Variants in ANAPC16 observed in about 807,000 individuals in gnomAD.
ANAPC16 encodes the protein anaphase-promoting complex subunit 16.
ANAPC16 carries 6 observed loss-of-function variants against 13.1 expected under a neutral mutation model. The observed-to-expected ratio is 0.46, with a 90% CI of 0.25 to 0.90. The LOEUF is 0.90. Among genes scored for constraint, ANAPC16 ranks in the 40% least tolerant of loss-of-function variants. The probability of loss-of-function intolerance (pLI) is 0.18; values close to 1 mark genes in which losing one functional copy is unlikely to be tolerated. For missense variants in ANAPC16, 113 were observed against 131.1 expected, an observed-to-expected ratio of 0.86 and a Z score of 0.67; for synonymous variants, 55 against 51.3, an observed-to-expected ratio of 1.07 and a Z score of -0.31.
intron 3 of ANAPC16, among the ~76,000 whole-genome samples, chr10:72,232,654 A>G (rs1247862706): frequency 1.4e-5 from 2 of 145,370 alleles, no homozygotes; most frequent in African/African-American, 5.1e-5. Flanking sequence ...ACCAGGCTGG[A>G]ATGCAGTGGC....
At position 72,222,486 on chromosome 10, in the gene ANAPC16, A is replaced by G. The variant is rs993583509; in HGVS notation, c.-27-1402A>G. Among the ~76,000 whole-genome samples, 4 of 147,904 alleles carry G rather than the reference A, an allele frequency of 2.7e-5. No individual in the cohort carries two copies. In the Admixed American group the frequency reaches 2.7e-4, roughly 10 times the overall value. ...TGTCTCTATTTAAAAAAAAAAAAAAAAGGAAAGAGGCCAGGCGCAGTGGCT... is the reference window on the plus strand; with the variant it reads ...TGTCTCTATTTAAAAAAAAAAAAAAGAGGAAAGAGGCCAGGCGCAGTGGCT... On this transcript the variant is annotated intron_variant, in intron 1 of 3. Coordinates refer to ENST00000299381, the MANE Select transcript of ANAPC16 (RefSeq NM_173473.4).
intron 1 of ANAPC16, among the ~76,000 whole-genome samples, chr10:72,222,917 G>A (rs936972361): frequency 3.9e-5 from 6 of 152,052 alleles, no homozygotes; most frequent in South Asian, 2.1e-4. Context: ...CAGTTTTCTC[G>A]TTAACATTTG....
At chr10:72,232,639 CTG>C (rs1331572133) in intron 3 of ANAPC16, among the ~76,000 whole-genome samples, 2 of 142,434 alleles carry the variant, frequency 1.4e-5, no homozygotes, top group Non-Finnish European at 3.0e-5. Flanking sequence ...GATTCTCACT[CTG>C]TCACCAGGCT....
intron 1 of ANAPC16, chr10:72,220,023 A>C (rs1467721052): frequency 6.6e-6 from 1 of 152,050 alleles, no homozygotes; most frequent in Non-Finnish European, 1.5e-5. Flanking sequence ...TCATTTCCTC[A>C]CTTTTTTCTG....
At chr10:72,222,450 T>TTTTGTCTTATTTATTTTTTTAAATAG (rs770712301) in intron 1 of ANAPC16, among the ~76,000 whole-genome samples, 1 of 136,952 alleles carries the variant, frequency 7.3e-6, no homozygotes, top group African/African-American at 2.7e-5. Context: ...CTGAGCAACA[T>TTTTGTCTTATTTATTTTTTTAAATAG]AGCAAGACCT....
Position 72,216,015 on chromosome 10 carries a change from C to CCGCCTTCGGTG in ANAPC16, c.-143_-142insGTGCGCCTTCG, listed in dbSNP as rs1859187823. On this transcript the variant is annotated 5_prime_UTR_variant, in exon 1 of 4. Coordinates refer to ENST00000299381, the MANE Select transcript of ANAPC16 (RefSeq NM_173473.4). Reference sequence around the variant, plus strand: ...CCACCACGGCACGGGCGCGCGCACGCCGCCTTCGCCGCTGGCTCCGTCTGT... The same window carrying CCGCCTTCGGTG: ...CCACCACGGCACGGGCGCGCGCACGCCGCCTTCGGTGCGCCTTCGCCGCTGGCTCCGTCTGT... 1 of 152,358 alleles carries CCGCCTTCGGTG rather than the reference C, an allele frequency of 6.6e-6. No individual in the cohort carries two copies. The highest frequency in any genetic ancestry group is 6.5e-5 in the Admixed American group (1 of 15,290). The allele number at this position is 152,358 out of a possible 1,614,324, so 9.4% of individuals were successfully genotyped here. A position where few individuals can be genotyped will look rare whatever the true frequency, so the allele number is the denominator to read the frequency against.
At chr10:72,232,850 C>T (rs939286206) in intron 3 of ANAPC16, 151 bp from the exon 4 acceptor site, 31 of 608,240 alleles carry the variant, frequency 5.1e-5, no homozygotes, top group Non-Finnish European at 8.2e-5. Flanking sequence ...GTGATCCGCC[C>T]GCCTCGGCCT....
intron 3 of ANAPC16, among the ~76,000 whole-genome samples, chr10:72,230,933 C>T (rs1860279059): frequency 6.6e-6 from 1 of 152,110 alleles, no homozygotes; most frequent in African/African-American, 2.4e-5. Flanking sequence ...CTTCCTGCTC[C>T]TCTTGTGTTA....
chr10:72,227,692 A>G (rs1017345694), intron 2 of ANAPC16, among the ~76,000 whole-genome samples: 2 of 152,082 alleles, frequency 1.3e-5, no homozygotes, highest in East Asian at 3.8e-4. Flanking sequence ...CTATTATACA[A>G]TAAATCTAAC....
intron 1 of ANAPC16, chr10:72,220,732 A>C (rs1169341373): frequency 5.7e-5 from 7 of 122,664 alleles, no homozygotes; most frequent in East Asian, 2.1e-4. Context: ...AAAAAAAAAA[A>C]CCCGAAAGAA....
rs923329102 is a variant in ANAPC16 at position 72,233,725 on chromosome 10, A to G, written c.*609A>G. The G allele has an allele frequency of 6.6e-6, 1 of 152,650 alleles. No individual in the cohort carries two copies. Among genetic ancestry groups the G allele is most frequent in the Non-Finnish European group, 1.5e-5 (1 of 68,062 alleles). The allele number at this position is 152,650 out of a possible 1,614,324, so 9.5% of individuals were successfully genotyped here. On this transcript the variant is annotated 3_prime_UTR_variant, in exon 4 of 4. Transcript: ENST00000299381. ...TTTGGATATGGCAGCACTTGTAAAA[A>G]TAAAGCAGTAAGCAAAATCCTTTTA...
In ANAPC16 at chr10:72,235,668, C is replaced by T. The variant is rs1360276433; in HGVS notation, c.*2552C>T. On this transcript the variant is annotated 3_prime_UTR_variant, in exon 4 of 4. Coordinates refer to ENST00000299381, the MANE Select transcript of ANAPC16 (RefSeq NM_173473.4). ...GCAATAAACCTTTAAATTGGATTTT[C>T]AGTGAGAATTTAGAAGCAATCACTA... 1 of 152,172 alleles carries T rather than the reference C, an allele frequency of 6.6e-6. No homozygotes were observed. Among genetic ancestry groups the T allele is most frequent in the Non-Finnish European group, 1.5e-5 (1 of 68,038 alleles). 9.4% of individuals were successfully genotyped at this position (152,172 alleles called of 1,614,324 possible). A position where few individuals can be genotyped will look rare whatever the true frequency, so the allele number is the denominator to read the frequency against.
At position 72,216,972 on chromosome 10, in the gene ANAPC16, A is replaced by G. The variant is rs114141014; in HGVS notation, c.-28+834A>G. ...AAAGAAAAAAATCCATAATGATCCAATACTCATGACACAGCGCTTCTCTAT... is the reference window on the plus strand; with the variant it reads ...AAAGAAAAAAATCCATAATGATCCAGTACTCATGACACAGCGCTTCTCTAT... On this transcript the variant is annotated intron_variant, in intron 1 of 3. Transcript: ENST00000299381. 1.3e-3 allele frequency: 596 copies of G among 455,968 alleles called. 4 individuals carry two copies. The highest frequency in any genetic ancestry group is 0.011 in the African/African-American group (547 of 50,150). 28.2% of individuals were successfully genotyped at this position (455,968 alleles called of 1,614,324 possible).
At chr10:72,220,677 C>G (rs1487645853) in intron 1 of ANAPC16, 1 of 123,326 alleles carries the variant, frequency 8.1e-6, no homozygotes, top group Non-Finnish European at 1.7e-5. Context: ...TATGTTTCAA[C>G]TTTTTTATAA....
intron 2 of ANAPC16, among the ~76,000 whole-genome samples, chr10:72,226,668 CAA>C (rs954190684): frequency 1.7e-4 from 19 of 113,432 alleles, no homozygotes; most frequent in Admixed American, 1.8e-4. Flanking sequence ...GACCTTGTCT[CAA>C]AAAAAAAAAA....
At chr10:72,216,519 G>T (rs1490002709) in intron 1 of ANAPC16, among the ~76,000 whole-genome samples, 1 of 132,392 alleles carries the variant, frequency 7.6e-6, no homozygotes, top group Non-Finnish European at 1.5e-5. Flanking sequence ...CATCTATTTG[G>T]TTTGGGTTGT....
intron 3 of ANAPC16, among the ~76,000 whole-genome samples, chr10:72,232,330 A>G (rs1860340830): frequency 6.6e-6 from 1 of 151,672 alleles, no homozygotes; most frequent in African/African-American, 2.4e-5. Flanking sequence ...AGATCACCTG[A>G]GGTCAGGAGT....
intron 2 of ANAPC16, among the ~76,000 whole-genome samples, chr10:72,226,943 G>A (rs193070626): frequency 1.6e-4 from 25 of 152,172 alleles, no homozygotes; most frequent in African/African-American, 5.3e-4. Flanking sequence ...ACTCAAGTTA[G>A]TATCACTGAG....
intron 2 of ANAPC16, among the ~76,000 whole-genome samples, chr10:72,224,639 C>G (rs951665012): frequency 2.0e-5 from 3 of 150,968 alleles, no homozygotes; most frequent in Admixed American, 2.0e-4. Flanking sequence ...GCAGAGGCAG[C>G]ACTGAATCCA....
Sources: allele counts gnomAD v4.1 joint callset (sites outside exome capture counted in the v4.1 genomes callset), GRCh38; gene constraint gnomAD v4.1.1; transcripts MANE v1.5; gene names NCBI Gene and HGNC (gene_info 2026-07-23, HGNC 2026-07-21).